Variants in NRG3 observed in about 807,000 individuals in gnomAD.
NRG3 encodes the protein pro-neuregulin-3, membrane-bound isoform.
A neutral mutation model predicts 66.9 loss-of-function variants in NRG3; 31 were observed. The observed-to-expected ratio is 0.46, with a 90% CI of 0.35 to 0.63. The LOEUF (loss-of-function observed/expected upper bound fraction) is 0.63. NRG3 is among the 20% of genes least tolerant of loss of function. The probability of loss-of-function intolerance (pLI) is 0.00; values close to 1 mark genes in which losing one functional copy is unlikely to be tolerated. For missense variants in NRG3, 910 were observed against 878.9 expected, an observed-to-expected ratio of 1.04 and a Z score of -0.45; for synonymous variants, 393 against 359.4, an observed-to-expected ratio of 1.09 and a Z score of -1.06.
chr10:82,739,100 G>A (rs1171141104), intron 3 of NRG3, among the ~76,000 whole-genome samples: 2 of 152,180 alleles, frequency 1.3e-5, no homozygotes, highest in African/African-American at 4.8e-5. Flanking sequence ...ACGAAATCAT[G>A]TAAGAAGTTT....
At chr10:82,766,928 A>G (rs1263460425) in intron 3 of NRG3, among the ~76,000 whole-genome samples, 1 of 150,932 alleles carries the variant, frequency 6.6e-6, no homozygotes, top group South Asian at 2.1e-4. Flanking sequence ...TACCTTACTC[A>G]TAGGTATATT....
chr10:82,867,606 T>C (rs1840881632), intron 4 of NRG3, among the ~76,000 whole-genome samples: 1 of 152,106 alleles, frequency 6.6e-6, no homozygotes, highest in South Asian at 2.1e-4. Context: ...AAACAGCTCT[T>C]GAGACAGGTA....
intron 2 of NRG3, among the ~76,000 whole-genome samples, chr10:82,462,428 A>T (rs1178528713): frequency 1.3e-5 from 2 of 152,090 alleles, no homozygotes; most frequent in African/African-American, 4.8e-5. Flanking sequence ...CTCATAAGAA[A>T]TTTAAAAATT....
Position 82,131,405 on chromosome 10 carries a change from G to GT in NRG3, c.824-227329dup, listed in dbSNP as rs796078507. ...TTCTGTTCCATTAGTCTATATGTCT[G>GT]TTTTTATGTATCCATGCTGTTTGGG... On this transcript the variant is annotated intron_variant, in intron 1 of 8. Coordinates refer to ENST00000372141, the MANE Select transcript of NRG3 (RefSeq NM_001010848.4). 1.5e-3 allele frequency among the ~76,000 whole-genome samples: 226 copies of GT among 152,158 alleles called. 1 individual carries two copies. The highest frequency in any genetic ancestry group is 5.3e-3 in the African/African-American group (220 of 41,544).
At chr10:82,255,980 G>A (rs1453507129) in intron 1 of NRG3, among the ~76,000 whole-genome samples, 1 of 151,926 alleles carries the variant, frequency 6.6e-6, no homozygotes, top group African/African-American at 2.4e-5. Context: ...CTGGAGTTCA[G>A]TGGTGCAATC....
intron 2 of NRG3, among the ~76,000 whole-genome samples, chr10:82,582,335 G>C (rs940829765): frequency 1.3e-5 from 2 of 152,076 alleles, no homozygotes; most frequent in Non-Finnish European, 1.5e-5. Context: ...GGAGATGTCA[G>C]AATATACCAC....
intron 1 of NRG3, among the ~76,000 whole-genome samples, chr10:81,966,446 T>A (rs1279400690): frequency 6.6e-6 from 1 of 151,936 alleles, no homozygotes; most frequent in Non-Finnish European, 1.5e-5. Context: ...ATGAGTTGAT[T>A]TTTCTTATAT....
chr10:82,483,839 C>T (rs1232241803), intron 2 of NRG3, among the ~76,000 whole-genome samples: 1 of 152,140 alleles, frequency 6.6e-6, no homozygotes, highest in African/African-American at 2.4e-5. Flanking sequence ...AGTGTATGGG[C>T]ACAAACAAGG....
In NRG3 at chr10:82,189,784, T is replaced by C. The variant is rs185251207; in HGVS notation, c.824-168955T>C. Among the ~76,000 whole-genome samples, 35 of 149,468 alleles carry C rather than the reference T, an allele frequency of 2.3e-4. No homozygotes were observed. The East Asian group carries it at 6.7e-3, about 29-fold the overall frequency. The stretch of plus-strand genomic sequence containing the variant: ...CAGCCTGGGTGACAGAGCAAGACTT[T>C]TCTCCATAAAAAATAAATAAATAAA... On this transcript the variant is annotated intron_variant, in intron 1 of 8. Coordinates refer to ENST00000372141, the MANE Select transcript of NRG3 (RefSeq NM_001010848.4).
rs575864051 is a variant in NRG3 at position 82,007,486 on chromosome 10, C to T, written c.823+131323C>T. Among the ~76,000 whole-genome samples the T allele has an allele frequency of 1.2e-4, 19 of 152,192 alleles. No individual in the cohort carries two copies. The South Asian group carries it at 2.1e-3, about 17-fold the overall frequency. ...CCTCCCAAAGTGCTGGGATTACAGG[C>T]GTGAGCCATCAGTGCCCGGCCTAAA... On this transcript the variant is annotated intron_variant, in intron 1 of 8. Coordinates refer to ENST00000372141, the MANE Select transcript of NRG3 (RefSeq NM_001010848.4).
intron 2 of NRG3, among the ~76,000 whole-genome samples, chr10:82,592,078 G>T (rs1349858683): frequency 6.6e-6 from 1 of 152,082 alleles, no homozygotes; most frequent in South Asian, 2.1e-4. Context: ...GGTTTTCTGT[G>T]GTCACTGTGG....
chr10:82,601,053 T>C (rs2047595244), intron 2 of NRG3, among the ~76,000 whole-genome samples: 1 of 152,188 alleles, frequency 6.6e-6, no homozygotes, highest in Non-Finnish European at 1.5e-5. Context: ...TATTTGGTTT[T>C]CTGTTTCTAT....
intron 1 of NRG3, among the ~76,000 whole-genome samples, chr10:82,126,267 C>G (rs2068443562): frequency 6.6e-6 from 1 of 152,004 alleles, no homozygotes; most frequent in African/African-American, 2.4e-5. Context: ...ATTTATTTTT[C>G]TTTAACAAAT....
intron 1 of NRG3, among the ~76,000 whole-genome samples, chr10:82,098,086 C>T (rs989611238): frequency 6.8e-5 from 10 of 146,020 alleles, no homozygotes; most frequent in Non-Finnish European, 1.0e-4. Context: ...CACACACACA[C>T]ATCATATATA....
chr10:82,541,787 C>T (rs943889435), intron 2 of NRG3, among the ~76,000 whole-genome samples: 13 of 152,120 alleles, frequency 8.5e-5, no homozygotes, highest in African/African-American at 2.9e-4. Flanking sequence ...TATATTGCCT[C>T]GCTCTGTCCA....
At chr10:82,877,021 C>G (rs1391063720) in intron 4 of NRG3, among the ~76,000 whole-genome samples, 1 of 118,802 alleles carries the variant, frequency 8.4e-6, no homozygotes, top group African/African-American at 3.3e-5. Flanking sequence ...GAAACTCTGC[C>G]AAGAAAAAAA....
At chr10:82,003,709 T>C (rs938126190) in intron 1 of NRG3, among the ~76,000 whole-genome samples, 1 of 152,212 alleles carries the variant, frequency 6.6e-6, no homozygotes, top group Admixed American at 6.5e-5. Flanking sequence ...TCAGAGTGGC[T>C]GCTGCTGTTG....
intron 2 of NRG3, among the ~76,000 whole-genome samples, chr10:82,466,255 C>T (rs1479951462): frequency 1.3e-5 from 2 of 152,168 alleles, no homozygotes; most frequent in African/African-American, 4.8e-5. Context: ...AGCTCAACCA[C>T]TGCCTGCCAG....
In NRG3 at chr10:82,836,621, G is replaced by A. The variant is rs376774725; in HGVS notation, c.1028-28790G>A. 5.9e-5 allele frequency among the ~76,000 whole-genome samples: 9 copies of A among 152,116 alleles called. No individual in the cohort carries two copies. The South Asian group carries it at 1.5e-3, about 25-fold the overall frequency. ...TAGCATTGACATTTTATTAGGTATT[G>A]TAAGTGATCTAGAAATGATTTTTAA... On this transcript the variant is annotated intron_variant, in intron 3 of 8. Coordinates refer to ENST00000372141, the MANE Select transcript of NRG3 (RefSeq NM_001010848.4).
Sources: allele counts gnomAD v4.1 joint callset (sites outside exome capture counted in the v4.1 genomes callset), GRCh38; gene constraint gnomAD v4.1.1; transcripts MANE v1.5; gene names NCBI Gene and HGNC (gene_info 2026-07-23, HGNC 2026-07-21).